Variants in ASIC2 observed in about 807,000 individuals in gnomAD.
ASIC2 encodes acid sensing ion channel subunit 2.
In ASIC2, 25 loss-of-function variants were observed where a neutral mutation model predicts 57.3. The ratio of observed to expected loss-of-function variants is 0.44; its 90% CI spans 0.32 to 0.61. The LOEUF is 0.61. ASIC2 is among the 20% of genes least tolerant of loss of function. The pLI, the probability that ASIC2 is intolerant of heterozygous loss-of-function variation, is 0.06. For missense variants in ASIC2, 641 were observed against 738.1 expected, an observed-to-expected ratio of 0.87 and a Z score of 1.52; for synonymous variants, 319 against 307.5, an observed-to-expected ratio of 1.04 and a Z score of -0.39.
At chr17:33,768,052 A>C (rs952729729) in intron 1 of ASIC2, among the ~76,000 whole-genome samples, 12 of 151,348 alleles carry the variant, frequency 7.9e-5, no homozygotes, top group African/African-American at 2.9e-4. Context: ...TCTGTTGCCC[A>C]GGCTGGGGTG....
chr17:33,431,941 GCAAGGA>G (rs1911435782), intron 1 of ASIC2, among the ~76,000 whole-genome samples: 1 of 152,152 alleles, frequency 6.6e-6, no homozygotes, highest in Non-Finnish European at 1.5e-5. Flanking sequence ...AGAAAATGAT[GCAAGGA>G]CAACACAAAT....
chr17:33,345,996 G>A lies in ASIC2; in HGVS notation c.556-233929C>T, dbSNP rs182756440. Among the ~76,000 whole-genome samples, 39 of 152,154 alleles carry A rather than the reference G, an allele frequency of 2.6e-4. 1 individual carries two copies. The East Asian group carries it at 4.6e-3, about 18-fold the overall frequency. On this transcript the variant is annotated intron_variant, in intron 1 of 9. Transcript: ENST00000359872. ...AATCCCAGCACTGTGTGAGGCCAAG[G>A]TAGGAGAATCATTTGAGGTCAGAAG...
chr17:34,138,309 G>A (rs9907476), intron 1 of ASIC2, among the ~76,000 whole-genome samples: 6,394 of 152,260 alleles, frequency 0.042, 427 homozygotes, highest in African/African-American at 0.15. Context: ...CATAGCCAAT[G>A]CTCAGTAAAT....
rs181957673 is a variant in ASIC2 at position 33,763,207 on chromosome 17, T to G, written c.555+392771A>C. ...TGGAGTTCAGAGACCATATGTCTTG[T>G]TGATTGATCTCTCTCCAGGATTTAA... On this transcript the variant is annotated intron_variant, in intron 1 of 9. Transcript: ENST00000359872. Among the ~76,000 whole-genome samples, 52 of 152,320 alleles carry G rather than the reference T, an allele frequency of 3.4e-4. No homozygotes were observed. In the East Asian group the frequency reaches 6.2e-3, roughly 18 times the overall value.
chr17:33,193,559 A>G (rs199934896), intron 1 of ASIC2, among the ~76,000 whole-genome samples: 1 of 152,200 alleles, frequency 6.6e-6, no homozygotes, highest in East Asian at 1.9e-4. Flanking sequence ...GAAGGCTGGA[A>G]GTACCTGGGA....
At chr17:33,590,607 A>T (rs1303892677) in intron 1 of ASIC2, among the ~76,000 whole-genome samples, 6 of 151,548 alleles carry the variant, frequency 4.0e-5, no homozygotes, top group Admixed American at 1.3e-4. Context: ...CCCAGTCTCT[A>T]CACCACACCC....
chr17:34,134,564 C>T (rs991311), intron 1 of ASIC2, among the ~76,000 whole-genome samples: 49,051 of 152,120 alleles, frequency 0.32, 8,783 homozygotes, highest in Middle Eastern at 0.45. Context: ...ACCAGCAAAG[C>T]CCAGGCCACA....
In ASIC2 at chr17:33,656,594, C is replaced by T. The variant is rs113798836; in HGVS notation, c.555+499384G>A. ...TGAGGCTTTCCATATGCTGCTCTCT[C>T]CATCAGGAATATGCTCTCTATTCCT... is the stretch of plus-strand genomic sequence containing the variant. On this transcript the variant is annotated intron_variant, in intron 1 of 9. Coordinates refer to the ASIC2 transcript ENST00000359872. Among the ~76,000 whole-genome samples the T allele has an allele frequency of 5.4e-3, 818 of 152,276 alleles. 7 individuals carry two copies. Among genetic ancestry groups the T allele is most frequent in the African/African-American group, 0.019 (788 of 41,556 alleles).
At chr17:33,886,955 CA>C (rs997757761) in intron 1 of ASIC2, among the ~76,000 whole-genome samples, 3 of 151,492 alleles carry the variant, frequency 2.0e-5, no homozygotes, top group African/African-American at 2.4e-5. Context: ...AACAAACTAA[CA>C]AAAAAAACAA....
At chr17:34,082,328 A>G (rs1299567104) in intron 1 of ASIC2, 1 of 152,156 alleles carries the variant, frequency 6.6e-6, no homozygotes, top group African/African-American at 2.4e-5. Context: ...GAGGACCAGC[A>G]CCAGGCCACC....
chr17:34,039,087 T>C, intron 1 of ASIC2: 1 of 1,614,146 alleles, frequency 6.2e-7, no homozygotes, highest in East Asian at 2.2e-5. Flanking sequence ...ATCTATTTAA[T>C]CGTTCCTTGT....
chr17:34,119,352 C>G (rs1256319035), intron 1 of ASIC2, among the ~76,000 whole-genome samples: 1 of 152,154 alleles, frequency 6.6e-6, no homozygotes, highest in African/African-American at 2.4e-5. Context: ...ATTATTGTAT[C>G]AAGTGAGACA....
chr17:33,578,712 G>A (rs1019420826), intron 1 of ASIC2, among the ~76,000 whole-genome samples: 2 of 152,206 alleles, frequency 1.3e-5, no homozygotes, highest in African/African-American at 2.4e-5. Flanking sequence ...AACTGACCCG[G>A]CTTGACCTTG....
At chr17:33,085,074 A>G (rs1448041562) in intron 3 of ASIC2, among the ~76,000 whole-genome samples, 1 of 152,202 alleles carries the variant, frequency 6.6e-6, no homozygotes, top group Non-Finnish European at 1.5e-5. Context: ...GACTTCTTTA[A>G]GTCACTAGTT....
At chr17:33,293,786 G>A (rs1309107683), upstream of ASIC2, among the ~76,000 whole-genome samples, 1 of 152,120 alleles carries the variant, frequency 6.6e-6, no homozygotes, top group Non-Finnish European at 1.5e-5. Flanking sequence ...CATGCAGGAT[G>A]TAGTGTCTAT....
At chr17:34,047,020 G>C (rs1252172294) in intron 1 of ASIC2, among the ~76,000 whole-genome samples, 1 of 152,070 alleles carries the variant, frequency 6.6e-6, no homozygotes, top group African/African-American at 2.4e-5. Flanking sequence ...ATGAACCTTT[G>C]AGGACATACT....
At chr17:33,732,880 C>T (rs935752729) in intron 1 of ASIC2, among the ~76,000 whole-genome samples, 1 of 152,136 alleles carries the variant, frequency 6.6e-6, no homozygotes, top group East Asian at 1.9e-4. Flanking sequence ...TCAAGTGATC[C>T]GCCCACCTTG....
chr17:33,855,483 CA>C (rs1309451534), intron 1 of ASIC2, among the ~76,000 whole-genome samples: 1 of 152,112 alleles, frequency 6.6e-6, no homozygotes, highest in African/African-American at 2.4e-5. Context: ...ATTCATTCTG[CA>C]AAATGACTAT....
At chr17:34,132,555 A>G (rs1264683532) in intron 1 of ASIC2, among the ~76,000 whole-genome samples, 1 of 151,842 alleles carries the variant, frequency 6.6e-6, no homozygotes, top group Non-Finnish European at 1.5e-5. Context: ...GGTGCGTTTT[A>G]CAGAGCACTG....
Sources: allele counts gnomAD v4.1 joint callset (sites outside exome capture counted in the v4.1 genomes callset), GRCh38; gene constraint gnomAD v4.1.1; transcripts MANE v1.5; gene names NCBI Gene and HGNC (gene_info 2026-07-23, HGNC 2026-07-21).